The following MRPS6 variants were observed in gnomAD, a reference collection of about 807,000 sequenced individuals.
MRPS6 encodes the protein small ribosomal subunit protein bS6m.
A neutral mutation model predicts 13.1 loss-of-function variants in MRPS6; 6 were observed. The observed-to-expected ratio is 0.46, with a 90% CI of 0.25 to 0.91. MRPS6 has a LOEUF of 0.91. MRPS6 is among the 40% of genes least tolerant of loss of function. The pLI is 0.18. For synonymous variants in MRPS6, 61 were observed against 56.5 expected (o/e 1.08, Z -0.36); for missense variants, 164 against 155.6 (o/e 1.05, Z -0.29).
Position 34,142,658 on chromosome 21 carries a change from C to A in MRPS6, c.*58C>A. ...TTCCTTCACATTTGGGCAGCATGGA[C>A]GAGAAGGAAGAATTTGCAAGTTTGG... On this transcript the variant is annotated 3_prime_UTR_variant, in exon 3 of 3. Transcript: ENST00000399312. 1 of 1,467,604 alleles carries A rather than the reference C, an allele frequency of 6.8e-7. No homozygotes were observed. The highest frequency in any genetic ancestry group is 9.0e-7 in the Non-Finnish European group (1 of 1,113,536). 90.9% of individuals were successfully genotyped at this position (1,467,604 alleles called of 1,614,324 possible). A position where few individuals can be genotyped will look rare whatever the true frequency, so the allele number is the denominator to read the frequency against.
At chr21:34,125,127 A>G in intron 1 of MRPS6, 1 of 710,710 alleles carries the variant, frequency 1.4e-6, no homozygotes, top group Non-Finnish European at 2.1e-6. Context: ...GGTTCTTCAG[A>G]TATTCCTCGT....
In MRPS6 at chr21:34,142,519, C is replaced by A; in HGVS notation, c.297C>A (p.Thr99=). ...IRGNIVKHPL[T]QELKECEGIV... Reference sequence around the variant, plus strand: ...GGAATATTGTCAAACACCCTCTGACCCAGGAACTAAAAGAATGTGAAGGGA... The same window carrying A: ...GGAATATTGTCAAACACCCTCTGACACAGGAACTAAAAGAATGTGAAGGGA... The change falls in exon 3 of 3, where the codon ACC becomes ACA. Residue 99 remains threonine, a synonymous_variant. Coordinates refer to ENST00000399312, the MANE Select transcript of MRPS6 (RefSeq NM_032476.4). 1 of 1,613,006 alleles carries A rather than the reference C, an allele frequency of 6.2e-7. No homozygotes were observed. The highest frequency in any genetic ancestry group is 2.2e-5 in the East Asian group (1 of 44,834).
At chr21:34,102,850 A>G in intron 1 of MRPS6, 1 of 1,000,110 alleles carries the variant, frequency 1.0e-6, no homozygotes, top group Non-Finnish European at 1.2e-6. Context: ...TTACATTCAG[A>G]GCTCTATCAA....
At chr21:34,130,414 C>T (rs1371370217) in intron 2 of MRPS6, among the ~76,000 whole-genome samples, 2 of 152,132 alleles carry the variant, frequency 1.3e-5, no homozygotes, top group Non-Finnish European at 2.9e-5. Context: ...AGGGGCTAGG[C>T]CTCTCCAGGG....
intron 1 of MRPS6, among the ~76,000 whole-genome samples, chr21:34,079,692 G>A (rs1989417322): frequency 7.4e-6 from 1 of 135,390 alleles, no homozygotes; most frequent in Non-Finnish European, 1.5e-5. Context: ...CTCGTGATCT[G>A]CCCGCTTTGG....
intron 1 of MRPS6, among the ~76,000 whole-genome samples, chr21:34,115,179 C>G (rs8129107): frequency 0.033 from 4,955 of 152,290 alleles, 224 homozygotes; most frequent in African/African-American, 0.096. Context: ...GAACTCAGAT[C>G]AGTTACTGGA....
chr21:34,117,651 G>A (rs142258743), intron 1 of MRPS6, among the ~76,000 whole-genome samples: 131 of 152,268 alleles, frequency 8.6e-4, no homozygotes, highest in African/African-American at 2.9e-3. Flanking sequence ...AATGTTTCCA[G>A]ATAAATGTTA....
At chr21:34,114,259 G>C (rs1374766015) in intron 1 of MRPS6, among the ~76,000 whole-genome samples, 1 of 152,210 alleles carries the variant, frequency 6.6e-6, no homozygotes, top group Non-Finnish European at 1.5e-5. Context: ...ACCACAAATA[G>C]TCACCCACTG....
intron 1 of MRPS6, chr21:34,106,234 C>G (rs2148663348): frequency 1.1e-6 from 1 of 925,340 alleles, no homozygotes; most frequent in East Asian, 1.2e-4. Context: ...CAATTCTGTA[C>G]CAACTTTGAA....
rs1242004021 is a variant in MRPS6, at chr21:34,073,782, G to C, written c.45+37G>C. The C allele has an allele frequency of 2.1e-6, 3 of 1,437,462 alleles. No individual in the cohort carries two copies. The African/African-American group carries it at 4.5e-5, about 22-fold the overall frequency. The allele number at this position is 1,437,462 out of a possible 1,614,324, so 89.0% of individuals were successfully genotyped here. On this transcript the variant is annotated intron_variant, in intron 1 of 2. Transcript: ENST00000399312. ...TCCCTCAGAGCCGGTCTTCCCGCGC[G>C]GGCGCCCCCGCTGCCGCTAGGCCGC...
intron 1 of MRPS6, 73 bp downstream of exon 1, chr21:34,073,818 GC>G: frequency 8.3e-7 from 1 of 1,210,130 alleles, no homozygotes; most frequent in Non-Finnish European, 1.1e-6. Flanking sequence ...CGTCCCCCGC[GC>G]GCCCTGGCCG....
chr21:34,086,865 T>C (rs1978414972), intron 1 of MRPS6, among the ~76,000 whole-genome samples: 2 of 152,076 alleles, frequency 1.3e-5, no homozygotes, highest in African/African-American at 4.8e-5. Flanking sequence ...ATCAGGGTGC[T>C]TGGGTTTCTG....
intron 2 of MRPS6, among the ~76,000 whole-genome samples, chr21:34,141,983 G>A (rs1980922185): frequency 6.6e-6 from 1 of 152,040 alleles, no homozygotes; most frequent in South Asian, 2.1e-4. Flanking sequence ...TAGTTCACAG[G>A]GAAAATCCTT....
chr21:34,093,984 T>C (rs1203009064), intron 1 of MRPS6, among the ~76,000 whole-genome samples: 2 of 152,218 alleles, frequency 1.3e-5, no homozygotes, highest in Non-Finnish European at 2.9e-5. Flanking sequence ...CTGCTTCTTA[T>C]ACCCTTCAAC....
intron 1 of MRPS6, among the ~76,000 whole-genome samples, chr21:34,074,049 C>G (rs1191338267): frequency 1.4e-5 from 2 of 146,130 alleles, no homozygotes; most frequent in South Asian, 4.2e-4. Context: ...CGACCCCGAT[C>G]CCGGCGCCGG....
rs1244452532 is a variant in MRPS6 at position 34,117,687 on chromosome 21, A to G, written c.46-7654A>G. 1.1e-4 allele frequency among the ~76,000 whole-genome samples: 17 copies of G among 152,272 alleles called. No homozygotes were observed. The South Asian group carries it at 2.5e-3, about 22-fold the overall frequency. On this transcript the variant is annotated intron_variant, in intron 1 of 2. Coordinates refer to ENST00000399312, the MANE Select transcript of MRPS6 (RefSeq NM_032476.4). The stretch of plus-strand genomic sequence containing the variant: ...AGTTGAACCAAAATGGCAATTTCCT[A>G]AGTTTCAGCTTACATTTCTGATACC...
In MRPS6 at chr21:34,087,800, G is replaced by C. The variant is rs117237773; in HGVS notation, c.45+14055G>C. 7.9e-5 allele frequency among the ~76,000 whole-genome samples: 12 copies of C among 152,356 alleles called. No homozygotes were observed. In the East Asian group the frequency reaches 2.3e-3, roughly 29 times the overall value. ...CATGGAGACAAGAGGCTGGGACAGT[G>C]ATCTGGATGAGATGGAATGGTGATT... On this transcript the variant is annotated intron_variant, in intron 1 of 2. Transcript: ENST00000399312.
intron 2 of MRPS6, among the ~76,000 whole-genome samples, chr21:34,139,687 C>T (rs1405549049): frequency 6.6e-6 from 1 of 152,096 alleles, no homozygotes; most frequent in Non-Finnish European, 1.5e-5. Context: ...AAGTCATCCT[C>T]ACACTTCAGC....
At chr21:34,099,136 AAAT>A (rs1979112534) in intron 1 of MRPS6, 8 of 999,548 alleles carry the variant, frequency 8.0e-6, no homozygotes, top group Non-Finnish European at 9.6e-6. Flanking sequence ...GTAAATGAAA[AAAT>A]AATTTATGTA....
Sources: allele counts gnomAD v4.1 joint callset (sites outside exome capture counted in the v4.1 genomes callset), GRCh38; gene constraint gnomAD v4.1.1; transcripts MANE v1.5; gene names NCBI Gene and HGNC (gene_info 2026-07-23, HGNC 2026-07-21).